The following PCLO variants were observed in gnomAD, a reference collection of about 807,000 sequenced individuals.
PCLO encodes the protein piccolo presynaptic cytomatrix protein.
In PCLO, 82 loss-of-function variants were observed where a neutral mutation model predicts 427.5. The observed-to-expected ratio is 0.19, with a 90% CI of 0.16 to 0.23. The LOEUF is 0.23. Among genes scored for constraint, PCLO ranks in the 10% least tolerant of loss-of-function variants. PCLO has a pLI of 1.00. For synonymous variants in PCLO, 2,357 were observed against 2,155.4 expected (o/e 1.09, Z -2.59); for missense variants, 6,239 against 6,115.9 (o/e 1.02, Z -0.67).
chr7:82,770,002 C>A (rs1341651711), intron 22 of PCLO, among the ~76,000 whole-genome samples: 1 of 152,102 alleles, frequency 6.6e-6, no homozygotes, highest in Non-Finnish European at 1.5e-5. Flanking sequence ...CAAACCCAGT[C>A]ATTATGGAAA....
In PCLO at chr7:82,757,548, A is replaced by G. The variant is rs1170289861; in HGVS notation, c.*1027T>C. On this transcript the variant is annotated 3_prime_UTR_variant, in exon 25 of 25. Transcript: ENST00000333891. Reference sequence around the variant, plus strand: ...AAATGAGGATCCATTTAATTAATCAATGTCACAAGATTAATATGGTTTGTT... The same window carrying G: ...AAATGAGGATCCATTTAATTAATCAGTGTCACAAGATTAATATGGTTTGTT... 1.3e-5 allele frequency: 2 copies of G among 151,976 alleles called. No homozygotes were observed. Among genetic ancestry groups the G allele is most frequent in the Non-Finnish European group, 2.9e-5 (2 of 67,924 alleles). The allele number at this position is 151,976 out of a possible 1,614,324, so 9.4% of individuals were successfully genotyped here.
intron 20 of PCLO, among the ~76,000 whole-genome samples, chr7:82,818,730 C>T (rs1791727471): frequency 6.6e-6 from 1 of 152,088 alleles, no homozygotes; most frequent in Non-Finnish European, 1.5e-5. Context: ...GCCAGCCTAC[C>T]CCTCTGACTC....
Position 83,090,750 on chromosome 7 carries a change from CA to C in PCLO, c.3300+43499del, listed in dbSNP as rs1018063695. On this transcript the variant is annotated intron_variant, in intron 3 of 24. Coordinates refer to ENST00000333891, the MANE Select transcript of PCLO (RefSeq NM_033026.6). ...ATTCTAAATATATATTTTTAAATTA[CA>C]TTTTTTTGATAAAACTTGGAACTAA... 4.6e-5 allele frequency among the ~76,000 whole-genome samples: 7 copies of C among 152,168 alleles called. No homozygotes were observed. The East Asian group carries it at 5.8e-4, about 13-fold the overall frequency.
intron 8 of PCLO, among the ~76,000 whole-genome samples, chr7:82,903,045 G>A (rs1584125880): frequency 6.6e-6 from 1 of 151,994 alleles, no homozygotes; most frequent in African/African-American, 2.4e-5. Flanking sequence ...GTAGTATGCA[G>A]TCAATATTGG....
rs767935340 is a variant in PCLO, at chr7:82,760,792, T to C, written c.15143-8A>G. 3 of 1,378,084 alleles carry C rather than the reference T, an allele frequency of 2.2e-6. No homozygotes were observed. Among genetic ancestry groups the C allele is most frequent in the Non-Finnish European group, 2.0e-6 (2 of 995,226 alleles). 85.4% of individuals were successfully genotyped at this position (1,378,084 alleles called of 1,614,324 possible). On this transcript the variant is annotated splice_polypyrimidine_tract_variant and splice_region_variant and intron_variant, in intron 23 of 24. Coordinates refer to ENST00000333891, the MANE Select transcript of PCLO (RefSeq NM_033026.6). ...ATATTTTCACATATAAATCTGAAAA[T>C]AAGAATTCAGCCCATTAAATTCCAT...
In PCLO at chr7:82,952,708, C is replaced by A; in HGVS notation, c.8245G>T (p.Ala2749Ser). Residue 2749 changes from alanine (A) to serine (S), a missense_variant, in exon 5 of 25, where the codon GCT (alanine) becomes TCT (serine). By Grantham distance (99) the Ala-to-Ser change is moderately conservative (BLOSUM62 1). Coordinates refer to ENST00000333891, the MANE Select transcript of PCLO (RefSeq NM_033026.6). ...KTTDKCIDLS[A>S]STMDVKRQIT... ...TGCCTTTTCACATCCATTGTAGAAG[C>A]AGAAAGATCAATACATTTATCAGTT... 1.2e-6 allele frequency: 2 copies of A among 1,613,820 alleles called. No individual in the cohort carries two copies. The highest frequency in any genetic ancestry group is 1.7e-6 in the Non-Finnish European group (2 of 1,179,796).
chr7:83,011,022 A>C (rs1032600285), intron 3 of PCLO, among the ~76,000 whole-genome samples: 1 of 152,008 alleles, frequency 6.6e-6, no homozygotes, highest in African/African-American at 2.4e-5. Flanking sequence ...ATCTCAGCAC[A>C]CACATGATCT....
At chr7:83,086,221 T>C (rs1790228844) in intron 3 of PCLO, among the ~76,000 whole-genome samples, 1 of 152,004 alleles carries the variant, frequency 6.6e-6, no homozygotes, top group Non-Finnish European at 1.5e-5. Context: ...AGCGATTCTC[T>C]TGCCTCAGCC....
At chr7:82,964,108 C>T (rs986982103) in intron 4 of PCLO, among the ~76,000 whole-genome samples, 2 of 152,182 alleles carry the variant, frequency 1.3e-5, no homozygotes, top group African/African-American at 2.4e-5. Flanking sequence ...GGAAGGCATT[C>T]TAACCAGTAA....
intron 3 of PCLO, among the ~76,000 whole-genome samples, chr7:83,040,464 C>A (rs1788946364): frequency 6.6e-6 from 1 of 152,132 alleles, no homozygotes; most frequent in Non-Finnish European, 1.5e-5. Flanking sequence ...CGTCCTGGGG[C>A]ATAAATTGTT....
chr7:83,065,671 T>G (rs958482648), intron 3 of PCLO, among the ~76,000 whole-genome samples: 7 of 152,006 alleles, frequency 4.6e-5, no homozygotes, highest in African/African-American at 1.7e-4. Context: ...AGGAAAGAGA[T>G]AAATTTGGCC....
At chr7:82,933,095 A>G (rs984669967) in intron 6 of PCLO, among the ~76,000 whole-genome samples, 1 of 152,010 alleles carries the variant, frequency 6.6e-6, no homozygotes, top group Non-Finnish European at 1.5e-5. Context: ...GCCCTGATTC[A>G]AGATCCAGAA....
chr7:82,853,146 G>A (rs1253470596), intron 10 of PCLO, among the ~76,000 whole-genome samples: 2 of 151,980 alleles, frequency 1.3e-5, no homozygotes, highest in Admixed American at 6.6e-5. Flanking sequence ...GTGTTGTGTT[G>A]AAGAGCTAAT....
intron 9 of PCLO, among the ~76,000 whole-genome samples, chr7:82,888,616 A>T (rs538059499): frequency 6.6e-6 from 1 of 152,260 alleles, no homozygotes; most frequent in South Asian, 2.1e-4. Flanking sequence ...CTTTTTAAAA[A>T]AAAGACTTAA....
intron 10 of PCLO, among the ~76,000 whole-genome samples, chr7:82,865,200 C>G (rs1793062233): frequency 6.6e-6 from 1 of 151,968 alleles, no homozygotes; most frequent in African/African-American, 2.4e-5. Flanking sequence ...TGTAGAACCA[C>G]ACAAATGCCG....
chr7:82,781,221 T>C (rs961103606), intron 22 of PCLO, among the ~76,000 whole-genome samples: 2 of 151,686 alleles, frequency 1.3e-5, no homozygotes, highest in Non-Finnish European at 2.9e-5. Context: ...CCTGACAATG[T>C]TTAATATAAA....
intron 2 of PCLO, among the ~76,000 whole-genome samples, chr7:83,139,815 T>C (rs1316412983): frequency 2.6e-5 from 4 of 152,172 alleles, no homozygotes; most frequent in Admixed American, 6.5e-5. Context: ...GCTAGCACTA[T>C]ATAAAAGCTT....
In PCLO at chr7:82,761,911, AAAG is replaced by A. The variant is rs138680385; in HGVS notation, c.15008-421_15008-419del. Among the ~76,000 whole-genome samples the A allele has an allele frequency of 7.0e-3, 1,068 of 152,190 alleles. 9 individuals are homozygous for A. The highest frequency in any genetic ancestry group is 0.025 in the African/African-American group (1,018 of 41,548). On this transcript the variant is annotated intron_variant, in intron 22 of 24. Transcript: ENST00000333891. ...TTACTCAACTGTAGACTTTAGGACA[AAAG>A]AAGTAATAGATATGACTGTATCAAT...
At position 82,955,702 on chromosome 7, in the gene PCLO, C is replaced by T. The variant is rs767901868; in HGVS notation, c.5251G>A (p.Glu1751Lys). 2 of 1,613,922 alleles carry T rather than the reference C, an allele frequency of 1.2e-6. No homozygotes were observed. Among genetic ancestry groups the T allele is most frequent in the Admixed American group, 1.7e-5 (1 of 60,016 alleles). The change falls in exon 5 of 25, where the codon GAG becomes AAG. Residue 1751 changes from glutamate to lysine, a missense_variant. Glu to Lys is a moderately conservative substitution (Grantham distance 56). Around this residue, in one of 5 missense-constraint regions of PCLO, gnomAD observed 4,677 missense variants for 4,468.4 expected, o/e 1.05. Coordinates refer to ENST00000333891, the MANE Select transcript of PCLO (RefSeq NM_033026.6). ...CGAGCTTTGCGTTGCTGTTTGCTCTCTCCTTTTTTGTGACTCGGGCTACTG... is the reference window on the plus strand; with the variant it reads ...CGAGCTTTGCGTTGCTGTTTGCTCTTTCCTTTTTTGTGACTCGGGCTACTG... ...SDSSPSHKKG[E>K]SKQQRKARHR... is the part of the protein sequence containing the mutation.
Sources: gnomAD v4.1 joint callset for allele counts (sites outside exome capture counted in the v4.1 genomes callset) on GRCh38, gnomAD v4.1.1 for gene constraint, gnomAD v4.1.1 regional missense constraint, MANE v1.5 for transcripts, NCBI Gene and HGNC (gene_info 2026-07-23, HGNC 2026-07-21) for gene names.